Variants in ZFP1 observed in about 807,000 individuals in gnomAD.
The protein encoded by ZFP1 is ZFP1 zinc finger protein.
Under a neutral mutation model 38.5 loss-of-function variants are expected in ZFP1, and 32 were observed. That is an observed-to-expected ratio of 0.83 (90% CI 0.63 to 1.12). The LOEUF is 1.12. Ranked by LOEUF, ZFP1 falls within the 50% of genes most tolerant of loss-of-function variation. The pLI, the probability that ZFP1 is intolerant of heterozygous loss-of-function variation, is 0.00. For missense variants in ZFP1, 616 were observed against 480.8 expected, an observed-to-expected ratio of 1.28 and a Z score of -2.63; for synonymous variants, 245 against 168.8, an observed-to-expected ratio of 1.45 and a Z score of -3.50.
At chr16:75,163,330 A>C (rs922150250) in intron 2 of ZFP1, among the ~76,000 whole-genome samples, 6 of 151,610 alleles carry the variant, frequency 4.0e-5, no homozygotes, top group Non-Finnish European at 7.4e-5. Flanking sequence ...TTTTGAGTAC[A>C]TTCTTGCTCT....
chr16:75,136,583 T>C, the ZFP1 span, among the ~76,000 whole-genome samples: 62 of 152,278 alleles, frequency 4.1e-4, no homozygotes, highest in Non-Finnish European at 8.4e-4. Context: ...TATTTATAGA[T>C]ATAGACTGGG....
the ZFP1 span, among the ~76,000 whole-genome samples, chr16:75,123,736 C>T: frequency 7.9e-5 from 12 of 151,004 alleles, no homozygotes; most frequent in African/African-American, 2.7e-4. Context: ...CCTCAGCCTC[C>T]CAAAGTGCTG....
the ZFP1 span, among the ~76,000 whole-genome samples, chr16:75,129,881 A>G: frequency 6.6e-6 from 1 of 152,202 alleles, no homozygotes; most frequent in African/African-American, 2.4e-5. Flanking sequence ...CAGGAGTGAA[A>G]TTTTATTTAA....
intron 2 of ZFP1, among the ~76,000 whole-genome samples, chr16:75,156,092 C>G (rs1415178877): frequency 1.3e-5 from 2 of 152,108 alleles, no homozygotes; most frequent in African/African-American, 4.8e-5. Flanking sequence ...AATGATACAG[C>G]CTTACTGGGA....
the ZFP1 span, among the ~76,000 whole-genome samples, chr16:75,124,133 T>C: frequency 3.3e-5 from 5 of 151,590 alleles, no homozygotes; most frequent in Non-Finnish European, 7.4e-5. Context: ...GTGTGTCCTT[T>C]TGAAAAAGGT....
At chr16:75,131,229 G>A in the ZFP1 span, among the ~76,000 whole-genome samples, 1 of 152,144 alleles carries the variant, frequency 6.6e-6, no homozygotes, top group Non-Finnish European at 1.5e-5. Context: ...AGCATGAGGA[G>A]GGAAGCTCAG....
intron 2 of ZFP1, 45 bp from the exon 3 acceptor site, chr16:75,166,725 T>G (rs1567539022): frequency 6.2e-7 from 1 of 1,613,728 alleles, no homozygotes; most frequent in East Asian, 2.2e-5. Context: ...CCTTTCTATA[T>G]CACCAAATGA....
intron 2 of ZFP1, among the ~76,000 whole-genome samples, chr16:75,165,305 C>G (rs904328566): frequency 1.3e-5 from 2 of 152,216 alleles, no homozygotes; most frequent in South Asian, 4.2e-4. Context: ...TACTTTCAGC[C>G]CTTTGAAGAT....
chr16:75,122,359 G>A, the ZFP1 span, among the ~76,000 whole-genome samples: 2 of 152,186 alleles, frequency 1.3e-5, no homozygotes, highest in Admixed American at 1.3e-4. Flanking sequence ...AGAACAGTTG[G>A]CTCAGGATGA....
chr16:75,136,737 G>A, the ZFP1 span, among the ~76,000 whole-genome samples: 1 of 152,036 alleles, frequency 6.6e-6, no homozygotes, highest in African/African-American at 2.4e-5. Context: ...AGCCGTGATG[G>A]TGTTCACTTG....
At chr16:75,162,689 T>G (rs924573243) in intron 2 of ZFP1, among the ~76,000 whole-genome samples, 2 of 152,118 alleles carry the variant, frequency 1.3e-5, no homozygotes, top group Non-Finnish European at 2.9e-5. Flanking sequence ...TAGATCCCAG[T>G]GTCTGTTGTT....
the ZFP1 span, among the ~76,000 whole-genome samples, chr16:75,124,063 C>A: frequency 1.3e-5 from 2 of 151,782 alleles, no homozygotes; most frequent in African/African-American, 4.8e-5. Context: ...CTCTGCACTC[C>A]AGCCTGGGTG....
At chr16:75,137,018 G>A in the ZFP1 span, among the ~76,000 whole-genome samples, 5 of 152,300 alleles carry the variant, frequency 3.3e-5, no homozygotes, top group South Asian at 2.1e-4. Flanking sequence ...GAGCCCACCC[G>A]GGGCCAGCAT....
upstream of ZFP1, among the ~76,000 whole-genome samples, chr16:75,144,630 C>A (rs1334375197): frequency 1.3e-5 from 2 of 152,138 alleles, no homozygotes; most frequent in Non-Finnish European, 2.9e-5. Context: ...ATATCCATCA[C>A]CACTTTCTCC....
chr16:75,165,457 C>A (rs2038018482), intron 2 of ZFP1, among the ~76,000 whole-genome samples: 1 of 151,988 alleles, frequency 6.6e-6, no homozygotes, highest in African/African-American at 2.4e-5. Context: ...TGCAGTGGGG[C>A]AGTCTGGGCT....
chr16:75,137,192 G>A, the ZFP1 span, among the ~76,000 whole-genome samples: 1 of 152,068 alleles, frequency 6.6e-6, no homozygotes, highest in African/African-American at 2.4e-5. Context: ...ATGTCAAAGG[G>A]GCCCAGGAGT....
At chr16:75,149,489 G>T (rs1209844378) in intron 1 of ZFP1, among the ~76,000 whole-genome samples, 5 of 151,122 alleles carry the variant, frequency 3.3e-5, no homozygotes, top group Non-Finnish European at 7.4e-5. Context: ...GGGACCTCAT[G>T]TAAAATGGTG....
chr16:75,125,649 A>T, the ZFP1 span, among the ~76,000 whole-genome samples: 1 of 152,196 alleles, frequency 6.6e-6, no homozygotes, highest in East Asian at 1.9e-4. Flanking sequence ...GATCAAGATG[A>T]AAATTTTATA....
At chr16:75,164,010 T>A (rs1366660492) in intron 2 of ZFP1, among the ~76,000 whole-genome samples, 1 of 152,232 alleles carries the variant, frequency 6.6e-6, no homozygotes, top group East Asian at 1.9e-4. Context: ...GTATCCATGC[T>A]CTTTGTTTAA....
Sources: gnomAD v4.1 joint callset for allele counts (sites outside exome capture counted in the v4.1 genomes callset) on GRCh38, gnomAD v4.1.1 for gene constraint, MANE v1.5 for transcripts, NCBI Gene and HGNC (gene_info 2026-07-23, HGNC 2026-07-21) for gene names.